IRAK2: variants seen among roughly 807,000 people sequenced by gnomAD.
IRAK2 encodes interleukin 1 receptor associated kinase 2.
IRAK2 carries 57 observed loss-of-function variants against 72.0 expected under a neutral mutation model. The observed-to-expected ratio is 0.79, with a 90% CI of 0.64 to 0.99. The LOEUF (loss-of-function observed/expected upper bound fraction) is 0.99. Ranked by LOEUF, IRAK2 falls within the 50% of genes least tolerant of loss-of-function variation. The probability of loss-of-function intolerance (pLI) is 0.00; values close to 1 mark genes in which losing one functional copy is unlikely to be tolerated. For missense variants in IRAK2, 790 were observed against 794.4 expected (o/e 0.99, Z 0.07); for synonymous variants, 293 against 312.7 (o/e 0.94, Z 0.67).
chr3:10,202,352 G>A (rs1287250062), intron 3 of IRAK2, among the ~76,000 whole-genome samples: 2 of 152,134 alleles, frequency 1.3e-5, no homozygotes, highest in South Asian at 2.1e-4. Context: ...AGCCGGGCGT[G>A]GTAGCTCATG....
At chr3:10,168,707 C>A (rs1343478771) in intron 1 of IRAK2, among the ~76,000 whole-genome samples, 1 of 152,194 alleles carries the variant, frequency 6.6e-6, no homozygotes, top group Non-Finnish European at 1.5e-5. Context: ...CCTTGCCAGG[C>A]ATGTTGACTC....
chr3:10,237,731 C>T (rs959348998), intron 11 of IRAK2, among the ~76,000 whole-genome samples: 3 of 147,180 alleles, frequency 2.0e-5, no homozygotes, highest in Non-Finnish European at 3.0e-5. Flanking sequence ...GGCGTGAACC[C>T]GGGAGGCAGA....
At chr3:10,180,553 G>A (rs558235666) in intron 2 of IRAK2, among the ~76,000 whole-genome samples, 69 of 152,248 alleles carry the variant, frequency 4.5e-4, no homozygotes, top group Non-Finnish European at 6.8e-4. Flanking sequence ...AGGGCCCTGA[G>A]GAGCCAGTGG....
chr3:10,195,156 G>C (rs756642688), intron 2 of IRAK2, among the ~76,000 whole-genome samples: 1 of 152,250 alleles, frequency 6.6e-6, no homozygotes, highest in African/African-American at 2.4e-5. Context: ...TTCCCCACGG[G>C]TGGAGCCCAC....
At chr3:10,176,772 T>C (rs1231070453) in intron 1 of IRAK2, among the ~76,000 whole-genome samples, 5 of 149,306 alleles carry the variant, frequency 3.3e-5, no homozygotes, top group African/African-American at 7.4e-5. Context: ...CCACTGCGCC[T>C]GGCCTACTTC....
intron 2 of IRAK2, among the ~76,000 whole-genome samples, chr3:10,188,083 G>C (rs1303899314): frequency 6.6e-6 from 1 of 152,176 alleles, no homozygotes; most frequent in Admixed American, 6.6e-5. Context: ...GCAGAAGTGA[G>C]TATCCCAGCT....
chr3:10,190,971 A>G (rs1697165200), intron 2 of IRAK2, among the ~76,000 whole-genome samples: 1 of 152,186 alleles, frequency 6.6e-6, no homozygotes, highest in Non-Finnish European at 1.5e-5. Flanking sequence ...TGCTTCGTCC[A>G]GGAAGTGATA....
intron 2 of IRAK2, among the ~76,000 whole-genome samples, chr3:10,179,929 C>T (rs1228982022): frequency 6.6e-6 from 1 of 152,208 alleles, no homozygotes; most frequent in South Asian, 2.1e-4. Context: ...GTTTTGCACA[C>T]ATGTAAGTGT....
intron 9 of IRAK2, among the ~76,000 whole-genome samples, chr3:10,225,267 C>CA (rs1697755767): frequency 6.6e-6 from 1 of 152,156 alleles, no homozygotes; most frequent in South Asian, 2.1e-4. Flanking sequence ...GGGGTCTTCA[C>CA]ACCTTTAATA....
In IRAK2 at chr3:10,216,519, G is replaced by T. The variant is rs1034646540; in HGVS notation, c.789-415G>T. Among the ~76,000 whole-genome samples, 47 of 152,184 alleles carry T rather than the reference G, an allele frequency of 3.1e-4. 1 individual carries two copies. Among genetic ancestry groups the T allele is most frequent in the African/African-American group, 1.1e-3 (44 of 41,520 alleles). On this transcript the variant is annotated intron_variant, in intron 6 of 12. Coordinates refer to ENST00000256458, the MANE Select transcript of IRAK2 (RefSeq NM_001570.4). ...AGGGCCAGGAAAGAGTGGTCAGAGA[G>T]GTAGGAGGAAAGTCAGGAGGGAATG... is the stretch of plus-strand genomic sequence containing the variant.
rs1446252071 is a variant in IRAK2, at chr3:10,242,762, C to T, written c.*534C>T. 6.6e-6 allele frequency: 1 copy of T among 152,244 alleles called. No individual in the cohort carries two copies. Among genetic ancestry groups the T allele is most frequent in the African/African-American group, 2.4e-5 (1 of 41,438 alleles). 9.4% of individuals were successfully genotyped at this position (152,244 alleles called of 1,614,324 possible). A position where few individuals can be genotyped will look rare whatever the true frequency, so the allele number is the denominator to read the frequency against. ...GTTGGCGCAATCCTCCCACCTCAGA[C>T]TCCCAAAGTGCTGGAATTACAGTTG... On this transcript the variant is annotated 3_prime_UTR_variant, in exon 13 of 13. Coordinates refer to ENST00000256458, the MANE Select transcript of IRAK2 (RefSeq NM_001570.4).
At chr3:10,177,018 G>A (rs1012233457) in intron 1 of IRAK2, among the ~76,000 whole-genome samples, 2 of 151,800 alleles carry the variant, frequency 1.3e-5, no homozygotes, top group African/African-American at 4.8e-5. Flanking sequence ...AGCCAGGATG[G>A]TCTTGATCTC....
At chr3:10,165,666 T>G (rs1696672359) in intron 1 of IRAK2, among the ~76,000 whole-genome samples, 1 of 150,176 alleles carries the variant, frequency 6.7e-6, no homozygotes. Context: ...GGCTAATTTT[T>G]TGTATTTTCA....
intron 8 of IRAK2, among the ~76,000 whole-genome samples, chr3:10,222,284 G>C (rs1202920654): frequency 6.6e-6 from 1 of 152,174 alleles, no homozygotes; most frequent in Non-Finnish European, 1.5e-5. Context: ...CCAGGCCAGA[G>C]CTGGGGGTTG....
chr3:10,218,423 C>CAAAAAAA (rs56893916), intron 7 of IRAK2, among the ~76,000 whole-genome samples: 4 of 49,300 alleles, frequency 8.1e-5, no homozygotes, highest in Admixed American at 2.6e-4. Flanking sequence ...GACTCCGTCT[C>CAAAAAAA]AAAAAAAAAA....
At chr3:10,186,833 C>A (rs1697082376) in intron 2 of IRAK2, among the ~76,000 whole-genome samples, 1 of 144,874 alleles carries the variant, frequency 6.9e-6, no homozygotes, top group Non-Finnish European at 1.5e-5. Flanking sequence ...GCTTTGTTGC[C>A]CAGGCTGGAA....
At position 10,164,939 on chromosome 3, in the gene IRAK2, G is replaced by C. The variant is rs1468913551; in HGVS notation, c.-16G>C. ...GACCCAGTCGTCCCGCGCCGGAGCCGGCCCCGTAGCGTGCCATGGCCTGCT... is the reference window on the plus strand; with the variant it reads ...GACCCAGTCGTCCCGCGCCGGAGCCCGCCCCGTAGCGTGCCATGGCCTGCT... On this transcript the variant is annotated 5_prime_UTR_variant, in exon 1 of 13. Coordinates refer to ENST00000256458, the MANE Select transcript of IRAK2 (RefSeq NM_001570.4). 4 of 1,575,204 alleles carry C rather than the reference G, an allele frequency of 2.5e-6. No individual in the cohort carries two copies. The highest frequency in any genetic ancestry group is 1.1e-5 in the South Asian group (1 of 88,736).
intron 9 of IRAK2, 33 bp downstream of exon 9, chr3:10,222,864 C>T (rs1472334730): frequency 6.3e-7 from 1 of 1,585,068 alleles, no homozygotes; most frequent in African/African-American, 1.3e-5. Flanking sequence ...AGAGTGGGGC[C>T]CACCTTGATT....
chr3:10,176,038 T>C (rs1696869183), intron 1 of IRAK2, among the ~76,000 whole-genome samples: 1 of 150,586 alleles, frequency 6.6e-6, no homozygotes, highest in South Asian at 2.1e-4. Context: ...TGAGATGCTG[T>C]GTAACTTTTC....
Sources: allele counts gnomAD v4.1 joint callset (sites outside exome capture counted in the v4.1 genomes callset), GRCh38; gene constraint gnomAD v4.1.1; transcripts MANE v1.5; gene names NCBI Gene and HGNC (gene_info 2026-07-23, HGNC 2026-07-21).